Variants in TONSL observed in about 807,000 individuals in gnomAD.
The protein encoded by TONSL is tonsoku like, DNA repair protein.
In TONSL, 112 loss-of-function variants were observed where a neutral mutation model predicts 147.1. The observed-to-expected ratio is 0.76, with a 90% CI of 0.65 to 0.89. The LOEUF (loss-of-function observed/expected upper bound fraction) is 0.89, where lower values mean the gene tolerates loss of function less well. TONSL is among the 40% of genes least tolerant of loss of function. TONSL has a pLI of 0.00. For missense variants in TONSL, 1,883 were observed against 1,864.6 expected (o/e 1.01, Z -0.18); for synonymous variants, 868 against 801.5 (o/e 1.08, Z -1.40).
At position 144,440,561 on chromosome 8, in the gene TONSL, G is replaced by A. The variant is rs186243919; in HGVS notation, c.1165-85C>T. 1,019 of 1,526,464 alleles carry A rather than the reference G, an allele frequency of 6.7e-4. 18 individuals are homozygous for A. In the East Asian group the frequency reaches 0.021, roughly 31 times the overall value. 94.6% of individuals were successfully genotyped at this position (1,526,464 alleles called of 1,614,324 possible). A position where few individuals can be genotyped will look rare whatever the true frequency, so the allele number is the denominator to read the frequency against. ...GTCAAGCTTCCCCGGCTGCCCAGAC[G>A]AAATGGGAGCCCGGCCTCCCAGCTG... On this transcript the variant is annotated intron_variant, in intron 9 of 25. Transcript: ENST00000409379.
At chr8:144,430,986 A>C (rs1042395150) in intron 24 of TONSL, 92 bp downstream of exon 24, 2 of 1,422,482 alleles carry the variant, frequency 1.4e-6, no homozygotes, top group East Asian at 4.6e-5. Context: ...GGGGAGGAGG[A>C]GCTGGTACCA....
rs1185337485 is a variant in TONSL at position 144,436,610 on chromosome 8, C to A, written c.1962G>T (p.Arg654=). The A allele has an allele frequency of 2.5e-6, 4 of 1,611,690 alleles. No individual in the cohort carries two copies. Among genetic ancestry groups the A allele is most frequent in the Non-Finnish European group, 3.4e-6 (4 of 1,179,960 alleles). The change falls in exon 16 of 26, where the codon CGG becomes CGT. Residue 654 remains arginine (R), a synonymous_variant. Transcript: ENST00000409379. The part of the protein sequence containing the change: ...LYRRDLDLET[R]QKARAMEMLL... ...GCATCTCCATGGCCCTGGCCTTCTG[C>A]CGCGTCTCCAGGTCCAGGTCCCTGC...
chr8:144,440,350 C>T lies in TONSL; in HGVS notation c.1290+1G>A, dbSNP rs746275118. On this transcript the variant is annotated splice_donor_variant, in intron 10 of 25. Coordinates refer to ENST00000409379, the MANE Select transcript of TONSL (RefSeq NM_013432.5). LOFTEE classifies it high-confidence loss of function. ...AGTATGGGTGGGATGGGCTCTCGCA[C>T]CTGCAGCTGGGGACGCTGGGCCTGC... 1.3e-6 allele frequency: 2 copies of T among 1,585,788 alleles called. No homozygotes were observed. The highest frequency in any genetic ancestry group is 1.7e-6 in the Non-Finnish European group (2 of 1,162,594).
rs781877653 is a variant in TONSL, at chr8:144,431,083, C to T, written c.3804G>A (p.Leu1268=). The change falls in exon 24 of 26, where the codon CTG becomes CTA. Residue 1268 remains leucine (L), a synonymous_variant. Coordinates refer to ENST00000409379, the MANE Select transcript of TONSL (RefSeq NM_013432.5). ...NHLGDKAVRD[L]CRCLSLCPSL... ...CAGCAGGGAAAGGGCGTTACCTGCA[C>T]AGGTCTCTAACAGCCTTGTCCCCCA... 4 of 1,614,140 alleles carry T rather than the reference C, an allele frequency of 2.5e-6. No individual in the cohort carries two copies. Among genetic ancestry groups the T allele is most frequent in the East Asian group, 2.2e-5 (1 of 44,884 alleles).
intron 23 of TONSL, among the ~76,000 whole-genome samples, chr8:144,432,018 A>C (rs1554878772): frequency 6.7e-6 from 1 of 149,520 alleles, no homozygotes; most frequent in Non-Finnish European, 1.5e-5. Flanking sequence ...ACTAGAGACA[A>C]GGTTTCACCA....
chr8:144,430,411 G>C lies in TONSL; in HGVS notation c.3936C>G (p.Gly1312=). Residue 1312 remains glycine, a synonymous_variant, in exon 25 of 26, where the codon GGC becomes GGG. Coordinates refer to ENST00000409379, the MANE Select transcript of TONSL (RefSeq NM_013432.5). Reference sequence around the variant, plus strand: ...CACCATACCAGCACTCACCTGACAGGCCAAGGAAGCTAAGGCCTTGGGGCC... The same window carrying C: ...CACCATACCAGCACTCACCTGACAGCCCAAGGAAGCTAAGGCCTTGGGGCC... ...QKRPQGLSFL[G]LSGCAVQGPL... The C allele has an allele frequency of 1.2e-6, 2 of 1,607,630 alleles. No individual in the cohort carries two copies. The highest frequency in any genetic ancestry group is 8.5e-7 in the Non-Finnish European group (1 of 1,177,124).
rs758019183 is a variant in TONSL at position 144,436,895 on chromosome 8, G to A, written c.1752C>T (p.His584=). The A allele has an allele frequency of 1.7e-5, 27 of 1,608,642 alleles. No homozygotes were observed. The East Asian group carries it at 1.8e-4, about 11-fold the overall frequency. ...HLEIVRFLLD[H]GAAVDDPGGQ... Reference sequence around the variant, plus strand: ...CACCTGGGTCGTCCACTGCGGCCCCGTGGTCCAGCAGGAAGCGGACAATTT... The same window carrying A: ...CACCTGGGTCGTCCACTGCGGCCCCATGGTCCAGCAGGAAGCGGACAATTT... The change falls in exon 15 of 26, where the codon CAC becomes CAT. Residue 584 remains histidine (H), a synonymous_variant. Coordinates refer to ENST00000409379, the MANE Select transcript of TONSL (RefSeq NM_013432.5).
In TONSL at chr8:144,437,048, C is replaced by A. The variant is rs1354400325; in HGVS notation, c.1705G>T (p.Ala569Ser). The change falls in exon 14 of 26, where the codon GCC becomes TCC. Residue 569 changes from alanine to serine, a missense_variant. Ala to Ser is a moderately conservative substitution (Grantham distance 99). Transcript: ENST00000409379. ...TCACCTAGATGCCCGTAGTTGCAGG[C>A]CTCGTGCAGAGGTGTCCAGCCACAG... Reference protein sequence around the residue: ...DYCGWTPLHEACNYGHLEIVR... With the variant: ...DYCGWTPLHESCNYGHLEIVR... 3 of 1,613,296 alleles carry A rather than the reference C, an allele frequency of 1.9e-6. No individual in the cohort carries two copies. The South Asian group carries it at 3.3e-5, about 18-fold the overall frequency.
At position 144,441,894 on chromosome 8, in the gene TONSL, T is replaced by C. The variant is rs543204945; in HGVS notation, c.865+143A>G. 205 of 647,282 alleles carry C rather than the reference T, an allele frequency of 3.2e-4. 1 individual carries two copies. In the African/African-American group the frequency reaches 3.3e-3, roughly 11 times the overall value. The allele number at this position is 647,282 out of a possible 1,614,324, so 40.1% of individuals were successfully genotyped here. On this transcript the variant is annotated intron_variant, in intron 7 of 25. Coordinates refer to ENST00000409379, the MANE Select transcript of TONSL (RefSeq NM_013432.5). ...AAGTAGGGGTACCTGCCCCTCTTGC[T>C]GAAGCTGCTGCCTCCAAGGACAGGT...
In TONSL at chr8:144,436,539, C is replaced by A. The variant is rs182886830; in HGVS notation, c.2014+19G>T. 1.5e-4 allele frequency: 243 copies of A among 1,606,282 alleles called. 2 individuals carry two copies. The African/African-American group carries it at 3.1e-3, about 21-fold the overall frequency. On this transcript the variant is annotated intron_variant, in intron 16 of 25. Transcript: ENST00000409379. ...AGCGTAGGCACAGCAACCCCAGGGA[C>A]AAGGGACGCCCTGCTTGCCTTGGCC...
intron 24 of TONSL, 126 bp from the exon 25 acceptor site, chr8:144,430,663 G>T: frequency 8.4e-7 from 1 of 1,197,268 alleles, no homozygotes; most frequent in Non-Finnish European, 1.1e-6. Flanking sequence ...CTCTGCCTCA[G>T]CCTGGCCCAG....
Position 144,440,215 on chromosome 8 carries a change from G to A in TONSL, c.1291-5C>T, listed in dbSNP as rs1194210748. 1 of 1,586,504 alleles carries A rather than the reference G, an allele frequency of 6.3e-7. No individual in the cohort carries two copies. Among genetic ancestry groups the A allele is most frequent in the South Asian group, 1.1e-5 (1 of 88,568 alleles). On this transcript the variant is annotated splice_region_variant and splice_polypyrimidine_tract_variant and intron_variant, in intron 10 of 25. Coordinates refer to ENST00000409379, the MANE Select transcript of TONSL (RefSeq NM_013432.5). ...GAGATGCTGCAAGACCTGCCTCTGA[G>A]GAGCAGAGGGATGCTCAGCTCAGGA...
intron 7 of TONSL, 197 bp from the exon 8 acceptor site, chr8:144,441,308 C>G (rs553460324): frequency 6.5e-6 from 5 of 767,914 alleles, no homozygotes; most frequent in Non-Finnish European, 1.0e-5. Context: ...CTTAAAAACT[C>G]GGGGCCAGGT....
chr8:144,428,912 C>CT lies in TONSL; in HGVS notation c.*230_*231insA, dbSNP rs1348963629. ...TCACGCCATTCTCCTGCCTCAGCCT[C>CT]CGGAGTAGCTGGGACTACAGGCTTC... On this transcript the variant is annotated 3_prime_UTR_variant, in exon 26 of 26. Coordinates refer to ENST00000409379, the MANE Select transcript of TONSL (RefSeq NM_013432.5). The CT allele has an allele frequency of 2.4e-6, 1 of 414,462 alleles. No homozygotes were observed. Among genetic ancestry groups the CT allele is most frequent in the Non-Finnish European group, 4.2e-6 (1 of 235,556 alleles). 25.7% of individuals were successfully genotyped at this position (414,462 alleles called of 1,614,324 possible).
intron 13 of TONSL, 90 bp from the exon 14 acceptor site, chr8:144,437,189 G>A: frequency 7.4e-7 from 1 of 1,349,084 alleles, no homozygotes; most frequent in South Asian, 1.2e-5. Context: ...CTGAGCCCAG[G>A]GCCTCAGTCT....
Position 144,436,195 on chromosome 8 carries a change from G to A in TONSL, c.2238C>T (p.Gly746=), listed in dbSNP as rs766583725. Reference sequence around the variant, plus strand: ...GCCGTGCGGGGCCTGCGCTGTCCTCGCCTTCTGAGCTGCTGCTGCTGCTGG... The same window carrying A: ...GCCGTGCGGGGCCTGCGCTGTCCTCACCTTCTGAGCTGCTGCTGCTGCTGG... ...GPASSSSSSE[G]EDSAGPARPS... is the part of the protein sequence containing the mutation. The change falls in exon 17 of 26, where the codon GGC becomes GGT. Residue 746 remains glycine (G), a synonymous_variant. Transcript: ENST00000409379. 1.2e-5 allele frequency: 19 copies of A among 1,569,654 alleles called. No homozygotes were observed. The highest frequency in any genetic ancestry group is 3.5e-5 in the Admixed American group (2 of 57,000).
Position 144,436,844 on chromosome 8 carries a change from G to A in TONSL, c.1803C>T (p.Pro601=), listed in dbSNP as rs774422849. The change falls in exon 15 of 26, where the codon CCC becomes CCT. Residue 601 remains proline (P), a synonymous_variant. Transcript: ENST00000409379. The part of the protein sequence containing the change: ...PGGQGCEGIT[P]LHDALNCGHF... ...GGCCACAGTTGAGGGCATCGTGGAG[G>A]GGGGTGATGCCTTCGCAGCCCTGGC... 21 of 1,610,756 alleles carry A rather than the reference G, an allele frequency of 1.3e-5. No homozygotes were observed. The highest frequency in any genetic ancestry group is 1.5e-5 in the Non-Finnish European group (18 of 1,179,938).
intron 25 of TONSL, among the ~76,000 whole-genome samples, chr8:144,429,665 G>A (rs1273932943): frequency 6.6e-6 from 1 of 152,210 alleles, no homozygotes; most frequent in East Asian, 1.9e-4. Flanking sequence ...GGGCCTGAGT[G>A]GATCAAGAGA....
intron 7 of TONSL, 90 bp downstream of exon 7, chr8:144,441,947 G>A: frequency 8.9e-7 from 1 of 1,128,104 alleles, no homozygotes; most frequent in Non-Finnish European, 1.3e-6. Flanking sequence ...GAGGGAGAGA[G>A]CCCTGTACAC....
Sources: gnomAD v4.1 joint callset for allele counts (sites outside exome capture counted in the v4.1 genomes callset) on GRCh38, gnomAD v4.1.1 for gene constraint, MANE v1.5 for transcripts, NCBI Gene and HGNC (gene_info 2026-07-23, HGNC 2026-07-21) for gene names.